PLCH2: variants seen among roughly 807,000 people sequenced by gnomAD.
PLCH2 encodes the protein phospholipase C eta 2.
In PLCH2, 98 loss-of-function variants were observed where a neutral mutation model predicts 134.7. The ratio of observed to expected loss-of-function variants is 0.73; its 90% CI spans 0.62 to 0.86. The LOEUF (loss-of-function observed/expected upper bound fraction) is 0.86, where lower values mean the gene tolerates loss of function less well. Ranked by LOEUF, PLCH2 falls within the 40% of genes least tolerant of loss-of-function variation. The pLI is 0.00. For missense variants in PLCH2, 1,994 were observed against 1,986.6 expected, an observed-to-expected ratio of 1.00 and a Z score of -0.07; for synonymous variants, 974 against 827.5, an observed-to-expected ratio of 1.18 and a Z score of -3.04.
chr1:2,456,813 T>C (rs1474285776), intron 2 of PLCH2, among the ~76,000 whole-genome samples: 4 of 152,154 alleles, frequency 2.6e-5, no homozygotes, highest in African/African-American at 9.7e-5. Context: ...AGGACCTTTT[T>C]CTGCCCCTTC....
intron 1 of PLCH2, among the ~76,000 whole-genome samples, chr1:2,468,904 G>C (rs1641196615): frequency 6.6e-6 from 1 of 152,218 alleles, no homozygotes; most frequent in South Asian, 2.1e-4. Context: ...AAGCCTGTCT[G>C]CAGTGGTCAT....
At chr1:2,418,471 C>T in the PLCH2 span, among the ~76,000 whole-genome samples, 3 of 152,212 alleles carry the variant, frequency 2.0e-5, no homozygotes, top group African/African-American at 7.2e-5. Flanking sequence ...GGAGGGGCCC[C>T]GGGGCCATGG....
intron 2 of PLCH2, chr1:2,479,478 G>A (rs1478011448): frequency 4.6e-6 from 2 of 439,232 alleles, no homozygotes; most frequent in Admixed American, 3.6e-5. Flanking sequence ...GAGGGAGGTG[G>A]ATGCTCTCCC....
chr1:2,498,970 C>G lies in PLCH2; in HGVS notation c.2435-114C>G. On this transcript the variant is annotated intron_variant, in intron 18 of 21. Coordinates refer to ENST00000378486, the MANE Select transcript of PLCH2 (RefSeq NM_014638.4). This position sits in a 1 kb window ranked among gnomAD's most constrained non-coding sequence, Gnocchi z 5.4. Reference sequence around the variant, plus strand: ...GCCCTCCCCTCTAGGTGGGCAGTCCCGGAAGCAGCACCGGGAGTGGCACTG... The same window carrying G: ...GCCCTCCCCTCTAGGTGGGCAGTCCGGGAAGCAGCACCGGGAGTGGCACTG... 2.1e-6 allele frequency: 3 copies of G among 1,431,774 alleles called. No individual in the cohort carries two copies. Among genetic ancestry groups the G allele is most frequent in the East Asian group, 2.5e-5 (1 of 40,154 alleles). 88.7% of individuals were successfully genotyped at this position (1,431,774 alleles called of 1,614,324 possible).
intron 19 of PLCH2, 64 bp from the exon 20 acceptor site, chr1:2,499,577 G>A (rs1315818426): frequency 1.6e-6 from 2 of 1,216,630 alleles, no homozygotes; most frequent in Non-Finnish European, 2.4e-6. Flanking sequence ...AGAATGGGGG[G>A]CAGAGCAGGT....
intron 1 of PLCH2, among the ~76,000 whole-genome samples, chr1:2,429,645 A>G (rs1001982815): frequency 1.3e-5 from 2 of 152,140 alleles, no homozygotes; most frequent in Non-Finnish European, 2.9e-5. Flanking sequence ...CTTGGCAGAC[A>G]TTACCAGGGA....
chr1:2,436,560 A>ACCTTTCCTCCTTTCTCCCTCCC (rs1639429534), intron 2 of PLCH2, among the ~76,000 whole-genome samples: 5 of 34,374 alleles, frequency 1.5e-4, no homozygotes, highest in African/African-American at 5.1e-4. Flanking sequence ...TCCTCCCTCC[A>ACCTTTCCTCCTTTCTCCCTCCC]CCTTTCCTCC....
intron 20 of PLCH2, 137 bp from the exon 21 acceptor site, chr1:2,501,975 G>A (rs985943157): frequency 3.9e-5 from 29 of 751,824 alleles, no homozygotes; most frequent in Non-Finnish European, 5.5e-5. Context: ...CACACCCCCA[G>A]CCTGAGGTGG....
chr1:2,437,049 C>T (rs966348062), intron 2 of PLCH2, among the ~76,000 whole-genome samples: 1 of 152,242 alleles, frequency 6.6e-6, no homozygotes, highest in Non-Finnish European at 1.5e-5. Flanking sequence ...GTCCCCAGCC[C>T]AGACAGGGCC....
intron 6 of PLCH2, 25 bp downstream of exon 6, chr1:2,487,025 C>T: frequency 6.4e-7 from 1 of 1,568,984 alleles, no homozygotes; most frequent in Non-Finnish European, 8.6e-7. Context: ...GCCCTCAGCC[C>T]AGCTGTCCTG....
In PLCH2 at chr1:2,504,043, TCAGGGACGG is replaced by T; in HGVS notation, c.3083_3091del (p.Gln1028_Arg1030del). On this transcript the variant is annotated inframe_deletion, in exon 22 of 22. Transcript: ENST00000378486. ...CAGCGGCTGTCCCCACCAGCTCTTC[TCAGGGACGG>T]CCCCCATACCCCACAGGACCCGGAG... 1 of 1,544,790 alleles carries T rather than the reference TCAGGGACGG, an allele frequency of 6.5e-7. No homozygotes were observed. The highest frequency in any genetic ancestry group is 8.7e-7 in the Non-Finnish European group (1 of 1,143,606).
intron 4 of PLCH2, among the ~76,000 whole-genome samples, chr1:2,483,858 GTGGCGCTGACCCCCGTGTGGGT>G (rs1642127566): frequency 7.4e-6 from 1 of 135,174 alleles, no homozygotes; most frequent in African/African-American, 2.8e-5. Flanking sequence ...CCCGTGTGGG[GTGGCGCTGACCCCCGTGTGGGT>G]GGCGCTGACT....
rs1308501907 is a variant in PLCH2, at chr1:2,448,935, A to G, written c.115+18306A>G. Among the ~76,000 whole-genome samples, 3 of 152,148 alleles carry G rather than the reference A, an allele frequency of 2.0e-5. No individual in the cohort carries two copies. Among genetic ancestry groups the G allele is most frequent in the South Asian group, 2.1e-4 (1 of 4,828 alleles). On this transcript the variant is annotated intron_variant, in intron 2 of 3. Transcript: ENST00000609981. The surrounding 1 kb of genome is among the most constrained non-coding windows in gnomAD (Gnocchi z 4.0). ...GGCCTCCAGAATGCTCGTTTCGTCA[A>G]ACTGTTGTACGTGGCTCCTTTGCTG...
intron 4 of PLCH2, 49 bp downstream of exon 4, chr1:2,480,361 G>A (rs868247866): frequency 6.3e-7 from 1 of 1,585,502 alleles, no homozygotes; most frequent in Middle Eastern, 1.8e-4. Flanking sequence ...GGCTGCACGG[G>A]GGCTGTGCTT....
intron 2 of PLCH2, among the ~76,000 whole-genome samples, chr1:2,445,683 C>T (rs1639909041): frequency 1.3e-5 from 2 of 152,082 alleles, no homozygotes; most frequent in Admixed American, 1.3e-4. Context: ...AGACCCCCTA[C>T]AGACCCTCCT....
At chr1:2,485,432 G>A (rs1015648332) in intron 5 of PLCH2, among the ~76,000 whole-genome samples, 3 of 152,242 alleles carry the variant, frequency 2.0e-5, no homozygotes, top group Non-Finnish European at 1.5e-5. Context: ...AGCCTCGTAG[G>A]AGTGCAGGTG....
At position 2,504,678 on chromosome 1, in the gene PLCH2, G is replaced by A; in HGVS notation, c.3716G>A (p.Cys1239Tyr). ...AGLPFRPPWGCLSLVGVQDCP... is the reference protein window; with the variant it reads ...AGLPFRPPWGYLSLVGVQDCP... ...CTCCCCTTCCGGCCTCCCTGGGGCT[G>A]CCTTTCCCTGGTGGGCGTGCAGGAC... is the stretch of plus-strand genomic sequence containing the variant. Residue 1239 changes from cysteine (C) to tyrosine (Y), a missense_variant, in exon 22 of 22, where the codon TGC (cysteine) becomes TAC (tyrosine). Physicochemically the swap from Cys to Tyr is radical, Grantham distance 194. Transcript: ENST00000378486. The A allele has an allele frequency of 6.2e-7, 1 of 1,612,600 alleles. No homozygotes were observed. The highest frequency in any genetic ancestry group is 1.1e-5 in the South Asian group (1 of 91,086).
intron 2 of PLCH2, among the ~76,000 whole-genome samples, chr1:2,447,819 C>A (rs575647088): frequency 2.7e-4 from 41 of 152,276 alleles, no homozygotes; most frequent in African/African-American, 9.1e-4. Flanking sequence ...GGGGACCAGC[C>A]GACCGGGAAC....
At chr1:2,461,343 C>A (rs1277648599) in intron 2 of PLCH2, among the ~76,000 whole-genome samples, 2 of 152,188 alleles carry the variant, frequency 1.3e-5, no homozygotes, top group African/African-American at 4.8e-5. Flanking sequence ...TCTGGTGGTG[C>A]CTGAACCCCC....
Sources: gnomAD v4.1 joint callset for allele counts (sites outside exome capture counted in the v4.1 genomes callset) on GRCh38, gnomAD v4.1.1 for gene constraint, Gnocchi (gnomAD v3.1) non-coding constraint, MANE v1.5 for transcripts, NCBI Gene and HGNC (gene_info 2026-07-23, HGNC 2026-07-21) for gene names.